PACRG: variants seen among roughly 807,000 people sequenced by gnomAD.
The protein encoded by PACRG is parkin coregulated, also known as parkin coregulated gene protein.
A neutral mutation model predicts 29.7 loss-of-function variants in PACRG; 29 were observed. The ratio of observed to expected loss-of-function variants is 0.98; its 90% CI spans 0.73 to 1.33. The LOEUF (loss-of-function observed/expected upper bound fraction) is 1.33, where lower values mean the gene tolerates loss of function less well. Among genes scored for constraint, PACRG ranks in the 40% most tolerant of loss-of-function variants. The probability of loss-of-function intolerance (pLI) is 0.00; values close to 1 mark genes in which losing one functional copy is unlikely to be tolerated. For synonymous variants in PACRG, 116 were observed against 118.7 expected, an observed-to-expected ratio of 0.98 and a Z score of 0.15; for missense variants, 279 against 316.2, an observed-to-expected ratio of 0.88 and a Z score of 0.89.
intron 4 of PACRG, among the ~76,000 whole-genome samples, chr6:163,213,312 A>AC (rs1554229339): frequency 1.1e-4 from 16 of 152,004 alleles, no homozygotes; most frequent in Admixed American, 7.2e-4. Context: ...CAAGGAAAAA[A>AC]AAAACAAAAC....
rs1780150414 is a variant in PACRG, at chr6:162,736,177, C to T, written c.156+7786C>T. Among the ~76,000 whole-genome samples, 6 of 152,338 alleles carry T rather than the reference C, an allele frequency of 3.9e-5. No individual in the cohort carries two copies. In the South Asian group the frequency reaches 1.2e-3, roughly 32 times the overall value. ...CATGTCACATTTTAAATACATGCAA[C>T]ATACCATATCTACATTTTTATCTTT... On this transcript the variant is annotated intron_variant, in intron 1 of 4. Coordinates refer to ENST00000366888, the MANE Select transcript of PACRG (RefSeq NM_001080379.2).
At chr6:162,736,976 A>G (rs1479662087) in intron 1 of PACRG, among the ~76,000 whole-genome samples, 2 of 152,184 alleles carry the variant, frequency 1.3e-5, no homozygotes, top group African/African-American at 2.4e-5. Context: ...ATTAGTGTAT[A>G]CATAGGGTTG....
At chr6:163,287,698 C>G (rs1044090964) in intron 4 of PACRG, among the ~76,000 whole-genome samples, 3 of 152,222 alleles carry the variant, frequency 2.0e-5, no homozygotes. Flanking sequence ...AGAACACCAG[C>G]CAGTCTCCTG....
intron 4 of PACRG, among the ~76,000 whole-genome samples, chr6:163,099,087 G>T (rs1814856171): frequency 6.6e-6 from 1 of 152,166 alleles, no homozygotes; most frequent in African/African-American, 2.4e-5. Flanking sequence ...GCAGCCCAGT[G>T]GGTCCCAGCT....
chr6:163,256,498 T>G (rs2128173773), intron 4 of PACRG, among the ~76,000 whole-genome samples: 1 of 152,236 alleles, frequency 6.6e-6, no homozygotes, highest in East Asian at 1.9e-4. Context: ...TCCAGCCAGG[T>G]GGTGAGGTGC....
At chr6:162,935,386 T>G (rs1257999807) in intron 2 of PACRG, among the ~76,000 whole-genome samples, 1 of 149,604 alleles carries the variant, frequency 6.7e-6, no homozygotes, top group Non-Finnish European at 1.5e-5. Flanking sequence ...TTCATTCTGT[T>G]TTATTCTTTT....
intron 4 of PACRG, among the ~76,000 whole-genome samples, chr6:163,276,611 A>G (rs1332218180): frequency 1.3e-5 from 2 of 152,214 alleles, no homozygotes; most frequent in East Asian, 3.9e-4. Flanking sequence ...CAAAATGCAT[A>G]TGTTGAAATC....
intron 4 of PACRG, chr6:163,101,329 A>T (rs1286297446): frequency 1.0e-6 from 1 of 981,960 alleles, no homozygotes; most frequent in Admixed American, 6.2e-5. Context: ...TTTGTGTTTG[A>T]CCTGCATGCT....
intron 1 of PACRG, among the ~76,000 whole-genome samples, chr6:162,753,124 TCTTA>T (rs35198525): frequency 0.25 from 38,287 of 151,820 alleles, 5,803 homozygotes; most frequent in African/African-American, 0.41. Context: ...AAATTTACTC[TCTTA>T]CTTTGAAATA....
At chr6:162,858,985 A>G (rs1189583430) in intron 2 of PACRG, among the ~76,000 whole-genome samples, 2 of 152,090 alleles carry the variant, frequency 1.3e-5, no homozygotes, top group Admixed American at 6.6e-5. Context: ...GGCGTTTTCC[A>G]TTTTCTTGAG....
chr6:162,876,293 A>G (rs891903581), intron 2 of PACRG, among the ~76,000 whole-genome samples: 1 of 152,218 alleles, frequency 6.6e-6, no homozygotes, highest in African/African-American at 2.4e-5. Flanking sequence ...AGGCCACAAG[A>G]TTCCACTGGA....
chr6:162,988,413 A>G (rs1248969161), intron 2 of PACRG, among the ~76,000 whole-genome samples: 1 of 152,170 alleles, frequency 6.6e-6, no homozygotes, highest in African/African-American at 2.4e-5. Context: ...GTAGCAATGA[A>G]GCCGGACAGA....
chr6:162,882,252 TC>T (rs1793953990), intron 2 of PACRG, among the ~76,000 whole-genome samples: 1 of 129,440 alleles, frequency 7.7e-6, no homozygotes, highest in African/African-American at 3.0e-5. Context: ...AGAATACAGA[TC>T]CAGGGGGCTC....
At chr6:163,293,717 C>T (rs1378834330) in intron 4 of PACRG, among the ~76,000 whole-genome samples, 1 of 152,008 alleles carries the variant, frequency 6.6e-6, no homozygotes, top group Admixed American at 6.6e-5. Flanking sequence ...AGAAAGTGAA[C>T]ATAAATACTG....
intron 4 of PACRG, among the ~76,000 whole-genome samples, chr6:163,232,633 G>A (rs1355590651): frequency 6.6e-6 from 1 of 152,140 alleles, no homozygotes; most frequent in African/African-American, 2.4e-5. Flanking sequence ...AGGGTGTTCC[G>A]CTTCCCTAAG....
intron 4 of PACRG, among the ~76,000 whole-genome samples, chr6:163,275,988 T>TTTCC (rs750025768): frequency 0.017 from 2,381 of 139,644 alleles, 48 homozygotes; most frequent in Admixed American, 0.065. Context: ...TATTATTCTC[T>TTTCC]TTCCTTCCTT....
At chr6:162,902,259 T>C (rs1795614605) in intron 2 of PACRG, among the ~76,000 whole-genome samples, 1 of 152,262 alleles carries the variant, frequency 6.6e-6, no homozygotes, top group Non-Finnish European at 1.5e-5. Context: ...GCTTTGCATT[T>C]ACAAAGAAAA....
intron 2 of PACRG, among the ~76,000 whole-genome samples, chr6:162,995,446 C>T (rs951417575): frequency 7.2e-5 from 11 of 152,124 alleles, no homozygotes; most frequent in South Asian, 2.1e-4. Flanking sequence ...TCTCGTGGTG[C>T]GCCGTTTTTT....
chr6:162,874,645 C>G (rs1562686679), intron 2 of PACRG, among the ~76,000 whole-genome samples: 1 of 152,192 alleles, frequency 6.6e-6, no homozygotes, highest in East Asian at 1.9e-4. Context: ...TAGATTTTAT[C>G]ACATCAGTGT....
Sources: gnomAD v4.1 joint callset for allele counts (sites outside exome capture counted in the v4.1 genomes callset) on GRCh38, gnomAD v4.1.1 for gene constraint, MANE v1.5 for transcripts, NCBI Gene and HGNC (gene_info 2026-07-23, HGNC 2026-07-21) for gene names.